The following LHFPL7 variants were observed in gnomAD, a reference collection of about 807,000 sequenced individuals.
LHFPL7 encodes LHFPL tetraspan subfamily member 7, also known as LHFPL tetraspan subfamily member 7 protein.
the LHFPL7 span, among the ~76,000 whole-genome samples, chr22:24,941,602 GTTT>G: frequency 2.7e-4 from 26 of 96,546 alleles, no homozygotes; most frequent in East Asian, 1.5e-3. Context: ...GCGTATATTT[GTTT>G]TTTTTTTTTT....
the LHFPL7 span, among the ~76,000 whole-genome samples, chr22:24,937,441 A>G: frequency 6.6e-6 from 1 of 152,212 alleles, no homozygotes; most frequent in African/African-American, 2.4e-5. Flanking sequence ...GTGGAGCCTC[A>G]TAGGCTACGG....
chr22:24,938,738 T>C, the LHFPL7 span, among the ~76,000 whole-genome samples: 4,007 of 152,018 alleles, frequency 0.026, 193 homozygotes, highest in African/African-American at 0.092. Flanking sequence ...TCCTTAGAGG[T>C]GCTGGACTAG....
At chr22:24,941,313 C>A in the LHFPL7 span, among the ~76,000 whole-genome samples, 1 of 151,956 alleles carries the variant, frequency 6.6e-6, no homozygotes, top group Admixed American at 6.6e-5. Context: ...GGACTACAGG[C>A]ACATGCCACC....
At chr22:24,939,519 C>G in the LHFPL7 span, 1 of 702,986 alleles carries the variant, frequency 1.4e-6, no homozygotes, top group Non-Finnish European at 2.6e-6. Flanking sequence ...CAGAGCTACC[C>G]ACACACTGCT....
At chr22:24,939,595 C>T in the LHFPL7 span, 1 of 697,814 alleles carries the variant, frequency 1.4e-6, no homozygotes, top group East Asian at 2.7e-5. Context: ...ACTGCAGGGA[C>T]AAGGAGAGAA....
the LHFPL7 span, among the ~76,000 whole-genome samples, chr22:24,941,979 T>TTTTTTTTATTTATTTA: frequency 8.0e-4 from 117 of 145,970 alleles, no homozygotes; most frequent in African/African-American, 2.9e-3. Context: ...TTCAAATGTA[T>TTTTTTTTATTTATTTA]TTTATTTATT....
the LHFPL7 span, among the ~76,000 whole-genome samples, chr22:24,941,933 G>T: frequency 6.6e-6 from 1 of 151,794 alleles, no homozygotes; most frequent in Non-Finnish European, 1.5e-5. Flanking sequence ...CTAAAGTGCT[G>T]GGATTACACG....
chr22:24,940,787 C>T, the LHFPL7 span, among the ~76,000 whole-genome samples: 4 of 142,540 alleles, frequency 2.8e-5, no homozygotes, highest in Non-Finnish European at 3.1e-5. Flanking sequence ...CCCTCTCTCT[C>T]TCTTTCTTTC....
At chr22:24,946,360 T>A in the LHFPL7 span, among the ~76,000 whole-genome samples, 2 of 152,024 alleles carry the variant, frequency 1.3e-5, no homozygotes, top group Admixed American at 6.6e-5. Context: ...TATGGATGTT[T>A]CCACGTGCAC....
At chr22:24,938,282 TGA>T in the LHFPL7 span, 2 of 1,613,778 alleles carry the variant, frequency 1.2e-6, no homozygotes, top group Non-Finnish European at 1.7e-6. Context: ...GCATCACAGC[TGA>T]GACCTGCAGG....
the LHFPL7 span, among the ~76,000 whole-genome samples, chr22:24,943,644 A>G: frequency 1.3e-5 from 2 of 152,200 alleles, no homozygotes; most frequent in Non-Finnish European, 2.9e-5. Context: ...CATAGAACTG[A>G]GACTCATACT....
the LHFPL7 span, among the ~76,000 whole-genome samples, chr22:24,940,437 C>CAA: frequency 1.4e-5 from 2 of 147,982 alleles, no homozygotes; most frequent in Non-Finnish European, 3.0e-5. Context: ...ACTAAAAATA[C>CAA]AAAAAAAAAT....
the LHFPL7 span, among the ~76,000 whole-genome samples, chr22:24,941,732 G>A: frequency 2.7e-5 from 4 of 150,614 alleles, no homozygotes; most frequent in Non-Finnish European, 5.9e-5. Context: ...GTACAGTGGC[G>A]CGATCTCAGC....
At chr22:24,942,913 G>A in the LHFPL7 span, among the ~76,000 whole-genome samples, 1 of 151,236 alleles carries the variant, frequency 6.6e-6, no homozygotes, top group African/African-American at 2.4e-5. Context: ...GTGTGTGTGT[G>A]TGTGTGTGTG....
At chr22:24,939,530 C>T in the LHFPL7 span, 26 of 702,840 alleles carry the variant, frequency 3.7e-5, no homozygotes, top group Non-Finnish European at 5.2e-5. Flanking sequence ...ACACACTGCT[C>T]AACATTAGGC....
the LHFPL7 span, chr22:24,935,165 G>T: frequency 1.2e-6 from 1 of 810,172 alleles, no homozygotes; most frequent in Non-Finnish European, 1.9e-6. Flanking sequence ...TTATGAGGTA[G>T]GTATGATTTC....
chr22:24,939,924 C>CT, the LHFPL7 span, among the ~76,000 whole-genome samples: 72 of 86,978 alleles, frequency 8.3e-4, 2 homozygotes, highest in African/African-American at 1.1e-3. Context: ...TCATTTATCG[C>CT]TTTTTTTTTT....
At chr22:24,939,269 C>G in the LHFPL7 span, 5 of 698,398 alleles carry the variant, frequency 7.2e-6, no homozygotes, top group African/African-American at 5.3e-5. Context: ...GCTCAGCCAG[C>G]TTTCCTGCCT....
At chr22:24,935,508 T>TA in the LHFPL7 span, 1 of 1,614,010 alleles carries the variant, frequency 6.2e-7, no homozygotes, top group Non-Finnish European at 8.5e-7. Flanking sequence ...CCCACCATAA[T>TA]ACATGGAGGA....
Sources: allele counts gnomAD v4.1 joint callset (sites outside exome capture counted in the v4.1 genomes callset), GRCh38; gene constraint gnomAD v4.1.1; transcripts MANE v1.5; gene names NCBI Gene and HGNC (gene_info 2026-07-23, HGNC 2026-07-21).